HEATR5A: variants seen among roughly 807,000 people sequenced by gnomAD.
The protein encoded by HEATR5A is HEAT repeat-containing protein 5A.
In HEATR5A, 178 loss-of-function variants were observed where a neutral mutation model predicts 218.8. The observed-to-expected ratio is 0.81, with a 90% CI of 0.72 to 0.92. The LOEUF (loss-of-function observed/expected upper bound fraction) is 0.92, where lower values mean the gene tolerates loss of function less well. Ranked by LOEUF, HEATR5A falls within the 40% of genes least tolerant of loss-of-function variation. The pLI is 0.00. For missense variants in HEATR5A, 2,420 were observed against 2,418.9 expected (o/e 1.00, Z -0.01); for synonymous variants, 864 against 871.6 (o/e 0.99, Z 0.15).
chr14:31,326,411 T>A, intron 22 of HEATR5A, 69 bp from the exon 23 acceptor site: 1 of 1,099,020 alleles, frequency 9.1e-7, no homozygotes, highest in Non-Finnish European at 1.3e-6. Flanking sequence ...AGCTCACACA[T>A]TCAGTAGTTA....
chr14:31,300,353 T>C (rs943625563), intron 33 of HEATR5A, among the ~76,000 whole-genome samples: 19 of 152,112 alleles, frequency 1.2e-4, no homozygotes, highest in African/African-American at 4.1e-4. Flanking sequence ...AGGTGTGATC[T>C]TGGCTCACAC....
At position 31,345,074 on chromosome 14, in the gene HEATR5A, C is replaced by T; in HGVS notation, c.3058+13G>A. The T allele has an allele frequency of 6.3e-7, 1 of 1,585,180 alleles. No homozygotes were observed. The highest frequency in any genetic ancestry group is 8.5e-7 in the Non-Finnish European group (1 of 1,170,752). ...TTTTTAATGTAAAACATCACAAAAG[C>T]AGCTATGCACACCTTGTAGCTCTGG... is the stretch of plus-strand genomic sequence containing the variant. On this transcript the variant is annotated intron_variant, in intron 20 of 35. Transcript: ENST00000543095.
intron 22 of HEATR5A, among the ~76,000 whole-genome samples, chr14:31,333,877 C>A (rs1473955317): frequency 6.1e-5 from 9 of 146,402 alleles, no homozygotes; most frequent in South Asian, 2.2e-4. Flanking sequence ...ACAAAAAATA[C>A]AAAAAAAAAA....
chr14:31,391,758 T>C (rs976146144), intron 6 of HEATR5A, among the ~76,000 whole-genome samples: 1 of 152,186 alleles, frequency 6.6e-6, no homozygotes, highest in African/African-American at 2.4e-5. Context: ...CTGTTCCTTT[T>C]CTATATTTAG....
chr14:31,336,215 TAC>T (rs201609764), intron 22 of HEATR5A, among the ~76,000 whole-genome samples: 1,275 of 7,384 alleles, frequency 0.17, 26 homozygotes, highest in Non-Finnish European at 0.34. Context: ...TATACATACA[TAC>T]ATATATATAT....
chr14:31,348,697 C>T (rs61571815), intron 18 of HEATR5A, among the ~76,000 whole-genome samples: 2,974 of 152,246 alleles, frequency 0.02, 85 homozygotes, highest in African/African-American at 0.068. Context: ...CTCAACAACC[C>T]TGGAATTCAT....
In HEATR5A at chr14:31,395,226, G is replaced by A. The variant is rs1431608454; in HGVS notation, c.570C>T (p.Ser190=). The A allele has an allele frequency of 6.5e-7, 1 of 1,532,596 alleles. No individual in the cohort carries two copies. The highest frequency in any genetic ancestry group is 2.4e-5 in the East Asian group (1 of 40,892). The allele number at this position is 1,532,596 out of a possible 1,614,324, so 94.9% of individuals were successfully genotyped here. Residue 190 remains serine, a synonymous_variant, in exon 5 of 36, where the codon TCC becomes TCT. Transcript: ENST00000543095. ...TTGCAGCAGCACAACGAACAGCCAT[G>A]GATCTATCTGTCAAGCAGGATCTAG... The part of the protein sequence containing the change: ...KAARSCLTDR[S]MAVRCAAAKC...
chr14:31,322,650 T>C (rs1029461606), intron 24 of HEATR5A, among the ~76,000 whole-genome samples: 1 of 151,742 alleles, frequency 6.6e-6, no homozygotes. Flanking sequence ...AGATCTCACT[T>C]CTACAGAAAA....
intron 22 of HEATR5A, among the ~76,000 whole-genome samples, chr14:31,336,382 G>A (rs1185015785): frequency 6.6e-6 from 1 of 151,362 alleles, no homozygotes; most frequent in Non-Finnish European, 1.5e-5. Flanking sequence ...GCATGAGCTA[G>A]TGTGTCTGGC....
chr14:31,334,355 C>A (rs539168898), intron 22 of HEATR5A: 2 of 452,822 alleles, frequency 4.4e-6, no homozygotes, highest in Admixed American at 4.8e-5. Context: ...CTGCCACAGA[C>A]GGATGGATCC....
In HEATR5A at chr14:31,386,457, G is replaced by A; in HGVS notation, c.1308C>T (p.Gly436=). ...CCTGTAGCAAAGGTGCCGCTGTGGT[G>A]CCAAGATTGTGTATGAGATTTCCAA... ...QELGNLIHNL[G]TTAAPLLQDS... is the part of the protein sequence containing the mutation. Residue 436 remains glycine, a synonymous_variant, in exon 9 of 36, where the codon GGC becomes GGT. Transcript: ENST00000543095. 6.2e-7 allele frequency: 1 copy of A among 1,613,764 alleles called. No individual in the cohort carries two copies. Among genetic ancestry groups the A allele is most frequent in the Non-Finnish European group, 8.5e-7 (1 of 1,179,768 alleles).
chr14:31,310,639 C>CAAATAAAT (rs1188567014), intron 28 of HEATR5A, among the ~76,000 whole-genome samples: 1 of 151,748 alleles, frequency 6.6e-6, no homozygotes, highest in African/African-American at 2.4e-5. Context: ...GACTCCACCT[C>CAAATAAAT]AAATAAATAA....
intron 25 of HEATR5A, chr14:31,320,389 T>C: frequency 9.7e-7 from 1 of 1,033,900 alleles, no homozygotes; most frequent in Admixed American, 1.7e-5. Context: ...TGCCAGCCCC[T>C]GAATCAGCCA....
chr14:31,302,343 C>T lies in HEATR5A; in HGVS notation c.5416G>A (p.Asp1806Asn). The change falls in exon 33 of 36, where the codon GAC (aspartate) becomes AAC (asparagine). Residue 1806 changes from aspartate (D) to asparagine (N), a missense_variant. Asp to Asn is a conservative substitution (Grantham distance 23). Transcript: ENST00000543095. ...GTTGTTAAGGCACTTCGGAGAAGGT[C>T]AGTCCAAGCAGTACGGCTCTTTTCT... ...RAEKSRTAWT[D>N]LLRSALTTIL... 1 of 1,604,122 alleles carries T rather than the reference C, an allele frequency of 6.2e-7. No individual in the cohort carries two copies. Among genetic ancestry groups the T allele is most frequent in the Non-Finnish European group, 8.5e-7 (1 of 1,175,232 alleles).
intron 11 of HEATR5A, 74 bp from the exon 12 acceptor site, chr14:31,375,042 C>T: frequency 8.4e-7 from 1 of 1,189,738 alleles, no homozygotes; most frequent in South Asian, 1.6e-5. Flanking sequence ...TATTAAGCAG[C>T]AACTTCTCTC....
At chr14:31,330,647 T>G (rs1900433394) in intron 22 of HEATR5A, among the ~76,000 whole-genome samples, 1 of 151,550 alleles carries the variant, frequency 6.6e-6, no homozygotes, top group Non-Finnish European at 1.5e-5. Flanking sequence ...ACAAATTAAC[T>G]GGGTGTGGTG....
rs772314217 is a variant in HEATR5A, at chr14:31,313,057, C to T, written c.4352G>A (p.Gly1451Asp). ...GLLDLVYADL[G>D]TLSRLWLAAL... ...AGCAAGCCAGAGTCTGCTTAGTGTG[C>T]CAAGATCTGCATAGACTAAGTCAAG... The change falls in exon 28 of 36, where the codon GGC becomes GAC. Residue 1451 changes from glycine (G) to aspartate (D), a missense_variant. Gly to Asp is a moderately conservative substitution (Grantham distance 94). Coordinates refer to ENST00000543095, the MANE Select transcript of HEATR5A (RefSeq NM_015473.4). 6.2e-7 allele frequency: 1 copy of T among 1,613,910 alleles called. No individual in the cohort carries two copies. The highest frequency in any genetic ancestry group is 8.5e-7 in the Non-Finnish European group (1 of 1,179,844).
At chr14:31,344,395 C>T (rs754335108) in intron 20 of HEATR5A, among the ~76,000 whole-genome samples, 1 of 149,964 alleles carries the variant, frequency 6.7e-6, no homozygotes, top group Non-Finnish European at 1.5e-5. Context: ...CTCCTGCCTC[C>T]GGTCTCCCGA....
chr14:31,324,606 G>C (rs1900205842), intron 23 of HEATR5A, among the ~76,000 whole-genome samples: 2 of 151,856 alleles, frequency 1.3e-5, no homozygotes, highest in Non-Finnish European at 2.9e-5. Flanking sequence ...GCAAGCTCAG[G>C]GAGTATGAAT....
Sources: gnomAD v4.1 joint callset for allele counts (sites outside exome capture counted in the v4.1 genomes callset) on GRCh38, gnomAD v4.1.1 for gene constraint, MANE v1.5 for transcripts, NCBI Gene and HGNC (gene_info 2026-07-23, HGNC 2026-07-21) for gene names.